The following ZNF679 variants were observed in gnomAD, a reference collection of about 807,000 sequenced individuals.
The protein encoded by ZNF679 is zinc finger protein 679, also known as hypothetical protein MGC42415.
ZNF679 carries 10 observed loss-of-function variants against 13.4 expected under a neutral mutation model. That is an observed-to-expected ratio of 0.75 (90% confidence interval 0.46 to 1.27). The LOEUF (loss-of-function observed/expected upper bound fraction) is 1.27. ZNF679 is among the 50% of genes most tolerant of loss of function. ZNF679 has a pLI of 0.00. For missense variants in ZNF679, 525 were observed against 477.8 expected (o/e 1.10, Z -0.92); for synonymous variants, 179 against 162.5 (o/e 1.10, Z -0.77).
intron 4 of ZNF679, 133 bp from the exon 5 acceptor site, chr7:64,265,763 A>G: frequency 1.0e-6 from 1 of 975,306 alleles, no homozygotes; most frequent in Non-Finnish European, 1.5e-6. Flanking sequence ...ACACCTATGA[A>G]GGAATTATGG....
chr7:64,260,305 A>G lies in ZNF679; in HGVS notation c.124A>G (p.Arg42Gly). ...GGATCACGCTCAGCAGAATTTATAT[A>G]GAGATGTGATGTTAGAGAACTACAG... Reference protein sequence around the residue: ...CLDHAQQNLYRDVMLENYRNL... With the variant: ...CLDHAQQNLYGDVMLENYRNL... Residue 42 changes from arginine to glycine, a missense_variant, in exon 3 of 5, where the codon AGA becomes GGA. Physicochemically the swap from Arg to Gly is moderately radical, Grantham distance 125. Coordinates refer to ENST00000421025, the MANE Select transcript of ZNF679 (RefSeq NM_153363.3). The G allele has an allele frequency of 6.2e-7, 1 of 1,612,516 alleles. No individual in the cohort carries two copies.
rs1463925713 is a variant in ZNF679, at chr7:64,260,124, T to TCTTTTATTTGA, written c.40-95_40-94insTTTATTTGACT. On this transcript the variant is annotated intron_variant, in intron 2 of 4. Transcript: ENST00000421025. ...ATAAGTGAGAAACACTTCTTTTTAC[T>TCTTTTATTTGA]CTCTAACTTGAGTCAAATAAAAATC... is the stretch of plus-strand genomic sequence containing the variant. The TCTTTTATTTGA allele has an allele frequency of 9.1e-6, 10 of 1,098,176 alleles. No individual in the cohort carries two copies. In the African/African-American group the frequency reaches 1.6e-4, roughly 17 times the overall value. The allele number at this position is 1,098,176 out of a possible 1,614,324, so 68.0% of individuals were successfully genotyped here. A position where few individuals can be genotyped will look rare whatever the true frequency, so the allele number is the denominator to read the frequency against.
intron 1 of ZNF679, among the ~76,000 whole-genome samples, chr7:64,245,057 G>T (rs771858834): frequency 3.3e-5 from 5 of 151,942 alleles, no homozygotes; most frequent in East Asian, 1.9e-4. Flanking sequence ...ATGGAGTCTT[G>T]CTCTGTCTCC....
intron 1 of ZNF679, among the ~76,000 whole-genome samples, chr7:64,247,243 C>T (rs928365353): frequency 1.3e-5 from 2 of 152,186 alleles, no homozygotes; most frequent in Non-Finnish European, 2.9e-5. Flanking sequence ...TGCCAATCTC[C>T]TATTTATCCT....
At chr7:64,229,446 C>A (rs1343801267) in intron 1 of ZNF679, among the ~76,000 whole-genome samples, 2 of 152,146 alleles carry the variant, frequency 1.3e-5, no homozygotes, top group East Asian at 1.9e-4. Flanking sequence ...CCTGTGGCCA[C>A]ATCCACATAC....
intron 1 of ZNF679, among the ~76,000 whole-genome samples, chr7:64,230,317 A>G (rs1015873161): frequency 3.9e-5 from 6 of 151,946 alleles, no homozygotes; most frequent in African/African-American, 1.4e-4. Context: ...GTGGATCATG[A>G]GGTCAGGAGA....
chr7:64,247,843 G>A (rs375357837), intron 1 of ZNF679, among the ~76,000 whole-genome samples: 1 of 149,872 alleles, frequency 6.7e-6, no homozygotes. Flanking sequence ...GAGCCTCTGC[G>A]CCTGGCCCTA....
chr7:64,255,180 T>C (rs1380948343), intron 2 of ZNF679, among the ~76,000 whole-genome samples: 1 of 151,828 alleles, frequency 6.6e-6, no homozygotes, highest in African/African-American at 2.4e-5. Context: ...TGATTCTAGG[T>C]CTCCTCTCAG....
chr7:64,242,820 C>T (rs747808609), intron 1 of ZNF679, among the ~76,000 whole-genome samples: 14 of 151,862 alleles, frequency 9.2e-5, no homozygotes, highest in Non-Finnish European at 1.8e-4. Flanking sequence ...GGCCTAAACC[C>T]AGCTATGAGA....
Position 64,230,406 on chromosome 7 carries a change from G to A in ZNF679, c.-91+1754G>A, listed in dbSNP as rs571277548. On this transcript the variant is annotated intron_variant, in intron 1 of 4. Transcript: ENST00000421025. ...AAATTAGCCGGGCGCGGTGGCGGGCGCCTGTAGTCCCAGCTACTGGGGAGG... is the reference window on the plus strand; with the variant it reads ...AAATTAGCCGGGCGCGGTGGCGGGCACCTGTAGTCCCAGCTACTGGGGAGG... Among the ~76,000 whole-genome samples the A allele has an allele frequency of 7.3e-4, 111 of 152,022 alleles. 1 individual carries two copies. Among genetic ancestry groups the A allele is most frequent in the Non-Finnish European group, 1.1e-3 (77 of 67,940 alleles).
Position 64,236,610 on chromosome 7 carries a change from C to A in ZNF679, c.-91+7958C>A, listed in dbSNP as rs116528590. 4.5e-3 allele frequency among the ~76,000 whole-genome samples: 682 copies of A among 152,056 alleles called. 3 individuals carry two copies. Among genetic ancestry groups the A allele is most frequent in the Middle Eastern group, 0.017 (5 of 294 alleles). ...GACCAGCCTGGCCAAAATGGCGAAA[C>A]CTCATCTCTTAAAAATACAAAAATT... On this transcript the variant is annotated intron_variant, in intron 1 of 4. Coordinates refer to ENST00000421025, the MANE Select transcript of ZNF679 (RefSeq NM_153363.3).
At chr7:64,250,866 C>T (rs192259428) in intron 2 of ZNF679, among the ~76,000 whole-genome samples, 9 of 152,282 alleles carry the variant, frequency 5.9e-5, no homozygotes, top group Admixed American at 3.3e-4. Flanking sequence ...GGATTACAGG[C>T]GTGAGCCACC....
intron 2 of ZNF679, among the ~76,000 whole-genome samples, chr7:64,259,641 A>C (rs1162558077): frequency 6.6e-6 from 1 of 152,020 alleles, no homozygotes; most frequent in East Asian, 1.9e-4. Context: ...TTATAATTAA[A>C]TTTAGGCCAG....
chr7:64,234,834 T>G (rs1295400719), intron 1 of ZNF679, among the ~76,000 whole-genome samples: 5 of 152,126 alleles, frequency 3.3e-5, no homozygotes, highest in Non-Finnish European at 5.9e-5. Flanking sequence ...TCTAGGGGAC[T>G]CATATAATAT....
At chr7:64,256,530 C>T (rs1477534239) in intron 2 of ZNF679, among the ~76,000 whole-genome samples, 1 of 152,070 alleles carries the variant, frequency 6.6e-6, no homozygotes, top group Non-Finnish European at 1.5e-5. Flanking sequence ...TATACGCTCT[C>T]CAGCAGCATA....
At chr7:64,235,818 C>CAG (rs1264805806) in intron 1 of ZNF679, among the ~76,000 whole-genome samples, 95 of 127,558 alleles carry the variant, frequency 7.4e-4, no homozygotes, top group African/African-American at 2.7e-3. Flanking sequence ...AAGAAAGAGA[C>CAG]AGAGAGAGAG....
At chr7:64,261,045 A>C (rs1321522534) in intron 4 of ZNF679, 116 bp downstream of exon 4, 4 of 1,066,592 alleles carry the variant, frequency 3.8e-6, no homozygotes, top group Non-Finnish European at 5.3e-6. Flanking sequence ...AGTTTCTAAG[A>C]AGCCCGAGTC....
chr7:64,252,777 G>A (rs1182732593), intron 2 of ZNF679, among the ~76,000 whole-genome samples: 1 of 152,196 alleles, frequency 6.6e-6, no homozygotes, highest in African/African-American at 2.4e-5. Context: ...GAGTGCAGTG[G>A]CATGATCTTG....
intron 1 of ZNF679, among the ~76,000 whole-genome samples, chr7:64,246,175 C>T (rs1398788823): frequency 1.3e-5 from 2 of 152,148 alleles, no homozygotes; most frequent in African/African-American, 4.8e-5. Context: ...AGTGTTCTTG[C>T]CTTTTATTAA....
Sources: gnomAD v4.1 joint callset for allele counts (sites outside exome capture counted in the v4.1 genomes callset) on GRCh38, gnomAD v4.1.1 for gene constraint, MANE v1.5 for transcripts, NCBI Gene and HGNC (gene_info 2026-07-23, HGNC 2026-07-21) for gene names.